Variants in ARHGEF7 observed in about 807,000 individuals in gnomAD.
ARHGEF7 encodes Rho guanine nucleotide exchange factor 7.
Under a neutral mutation model 109.8 loss-of-function variants are expected in ARHGEF7, and 33 were observed. That is an observed-to-expected ratio of 0.30 (90% CI 0.23 to 0.40). The LOEUF (loss-of-function observed/expected upper bound fraction) is 0.40. ARHGEF7 is among the 10% of genes least tolerant of loss of function. The probability of loss-of-function intolerance (pLI) is 1.00; values close to 1 mark genes in which losing one functional copy is unlikely to be tolerated. For synonymous variants in ARHGEF7, 458 were observed against 424.6 expected (o/e 1.08, Z -0.97); for missense variants, 938 against 1,098.5 (o/e 0.85, Z 2.07).
intron 2 of ARHGEF7, among the ~76,000 whole-genome samples, chr13:111,159,464 G>GT (rs2076584850): frequency 6.6e-6 from 1 of 152,196 alleles, no homozygotes; most frequent in African/African-American, 2.4e-5. Context: ...CCTCCATACT[G>GT]TTTCCCAGAA....
chr13:111,295,396 TTTC>T (rs1232539485), intron 19 of ARHGEF7, among the ~76,000 whole-genome samples: 1 of 152,248 alleles, frequency 6.6e-6, no homozygotes, highest in Non-Finnish European at 1.5e-5. Context: ...TCCTTGTACA[TTTC>T]TTATTTCATC....
intron 2 of ARHGEF7, among the ~76,000 whole-genome samples, chr13:111,160,620 C>T (rs892441132): frequency 6.6e-6 from 1 of 152,016 alleles, no homozygotes; most frequent in Admixed American, 6.6e-5. Flanking sequence ...AGAGATCAGC[C>T]TGGGCTACGT....
intron 2 of ARHGEF7, chr13:111,203,227 C>A: frequency 3.8e-6 from 2 of 531,986 alleles, no homozygotes; most frequent in Non-Finnish European, 5.5e-6. Flanking sequence ...AGCTGAAAGA[C>A]ATTCAGATCT....
At chr13:111,248,344 T>G (rs1308810114) in intron 8 of ARHGEF7, among the ~76,000 whole-genome samples, 1 of 152,142 alleles carries the variant, frequency 6.6e-6, no homozygotes, top group African/African-American at 2.4e-5. Context: ...TTATTTTAGG[T>G]TTTTGGCATT....
At chr13:111,248,610 C>T (rs1566955353) in intron 8 of ARHGEF7, among the ~76,000 whole-genome samples, 1 of 152,178 alleles carries the variant, frequency 6.6e-6, no homozygotes, top group Admixed American at 6.5e-5. Context: ...TAAGTGTTCA[C>T]TGTCTGCCTC....
chr13:111,132,710 A>C (rs2074824321), intron 1 of ARHGEF7, among the ~76,000 whole-genome samples: 1 of 152,224 alleles, frequency 6.6e-6, no homozygotes, highest in Non-Finnish European at 1.5e-5. Context: ...ACTGCAGTAA[A>C]TGTAAGTCAT....
chr13:111,242,462 T>C (rs554489482), intron 6 of ARHGEF7, among the ~76,000 whole-genome samples: 1 of 152,374 alleles, frequency 6.6e-6, no homozygotes, highest in Non-Finnish European at 1.5e-5. Context: ...TTATTACTTC[T>C]GTACAATTTC....
intron 2 of ARHGEF7, among the ~76,000 whole-genome samples, chr13:111,185,770 G>A (rs993381025): frequency 6.6e-6 from 1 of 152,136 alleles, no homozygotes; most frequent in Non-Finnish European, 1.5e-5. Flanking sequence ...GTGTGTACGT[G>A]GTGAGTTGTG....
chr13:111,165,507 C>T (rs1314176815), intron 2 of ARHGEF7, among the ~76,000 whole-genome samples: 7 of 152,124 alleles, frequency 4.6e-5, no homozygotes, highest in Admixed American at 1.3e-4. Flanking sequence ...TTTTGCCTAA[C>T]GTGAAAATAC....
chr13:111,155,640 T>C lies in ARHGEF7; in HGVS notation c.252+1649T>C, dbSNP rs548597858. Among the ~76,000 whole-genome samples the C allele has an allele frequency of 3.4e-3, 525 of 152,384 alleles. 1 individual carries two copies. Among genetic ancestry groups the C allele is most frequent in the Middle Eastern group, 6.8e-3 (2 of 294 alleles). ...CCTTGCTAGTGGCAGGTTTTACTTT[T>C]TCTTCACCTTTGTGAGGGATTTTAT... On this transcript the variant is annotated intron_variant, in intron 2 of 21. Coordinates refer to ENST00000646102, the MANE Select transcript of ARHGEF7 (RefSeq NM_001354046.2).
At chr13:111,174,632 G>T (rs961804499) in intron 2 of ARHGEF7, among the ~76,000 whole-genome samples, 1 of 152,198 alleles carries the variant, frequency 6.6e-6, no homozygotes, top group East Asian at 1.9e-4. Context: ...TGAGTTCATT[G>T]TCTTGCCTTA....
At chr13:111,154,425 C>T (rs984643664) in intron 2 of ARHGEF7, among the ~76,000 whole-genome samples, 3 of 152,178 alleles carry the variant, frequency 2.0e-5, no homozygotes, top group African/African-American at 7.2e-5. Context: ...AGCAGGTGAT[C>T]AGGCAAAGTC....
At chr13:111,139,756 C>T (rs920010079) in intron 1 of ARHGEF7, among the ~76,000 whole-genome samples, 10 of 152,222 alleles carry the variant, frequency 6.6e-5, no homozygotes, top group Admixed American at 1.3e-4. Flanking sequence ...TTGCTCTGGA[C>T]AGCACTGGCT....
intron 2 of ARHGEF7, among the ~76,000 whole-genome samples, chr13:111,173,955 A>G (rs1312371983): frequency 1.3e-5 from 2 of 152,166 alleles, no homozygotes; most frequent in African/African-American, 4.8e-5. Context: ...ATGATAAAAA[A>G]TTTACTTAAT....
rs554693887 is a variant in ARHGEF7 at position 111,212,604 on chromosome 13, T to TA, written c.468+2605dup. On this transcript the variant is annotated intron_variant, in intron 4 of 21. Coordinates refer to ENST00000646102, the MANE Select transcript of ARHGEF7 (RefSeq NM_001354046.2). ...TTCTGGGAGAGGTGACTTGATTTCT[T>TA]AAAGTGCTGCTTCTGCTTCTGGAAA... Among the ~76,000 whole-genome samples, 19 of 152,248 alleles carry TA rather than the reference T, an allele frequency of 1.2e-4. No individual in the cohort carries two copies. In the East Asian group the frequency reaches 3.5e-3, roughly 28 times the overall value.
Position 111,258,675 on chromosome 13 carries a change from T to C in ARHGEF7, c.951-8873T>C, listed in dbSNP as rs1293410636. Among the ~76,000 whole-genome samples, 1 of 151,936 alleles carries C rather than the reference T, an allele frequency of 6.6e-6. No homozygotes were observed. Among genetic ancestry groups the C allele is most frequent in the Non-Finnish European group, 1.5e-5 (1 of 68,038 alleles). ...AGAGCACATTCCCAGCTGTGGTGGC[T>C]ACAGGGAGGGACTCCTGCTTGAGAA... is the stretch of plus-strand genomic sequence containing the variant. On this transcript the variant is annotated intron_variant, in intron 8 of 21. Coordinates refer to ENST00000646102, the MANE Select transcript of ARHGEF7 (RefSeq NM_001354046.2). This position sits in a 1 kb window ranked among gnomAD's most constrained non-coding sequence, Gnocchi z 4.4.
intron 2 of ARHGEF7, among the ~76,000 whole-genome samples, chr13:111,202,867 G>A (rs2153462679): frequency 6.6e-6 from 1 of 152,328 alleles, no homozygotes; most frequent in South Asian, 2.1e-4. Context: ...CTGAGAATGT[G>A]CATTTTCCCC....
At chr13:111,151,095 G>A (rs141670417) in intron 1 of ARHGEF7, among the ~76,000 whole-genome samples, 1 of 152,302 alleles carries the variant, frequency 6.6e-6, no homozygotes, top group African/African-American at 2.4e-5. Flanking sequence ...AGTCGCCCTT[G>A]GCATTGGTGC....
At chr13:111,133,795 ATATATATATATATATAT>A (rs1566606855) in intron 1 of ARHGEF7, among the ~76,000 whole-genome samples, 3,265 of 48,112 alleles carry the variant, frequency 0.068, 398 homozygotes, top group Admixed American at 0.22. Context: ...ATATATATAT[ATATATATATATATATAT>A]ATTTATTATA....
Sources: gnomAD v4.1 joint callset for allele counts (sites outside exome capture counted in the v4.1 genomes callset) on GRCh38, gnomAD v4.1.1 for gene constraint, Gnocchi (gnomAD v3.1) non-coding constraint, MANE v1.5 for transcripts, NCBI Gene and HGNC (gene_info 2026-07-23, HGNC 2026-07-21) for gene names.